The following NEK11 variants were observed in gnomAD, a reference collection of about 807,000 sequenced individuals.
NEK11 encodes the protein NIMA related kinase 11.
Under a neutral mutation model 80.7 loss-of-function variants are expected in NEK11, and 72 were observed. The observed-to-expected ratio is 0.89, with a 90% CI of 0.74 to 1.08. NEK11 has a LOEUF of 1.08. NEK11 is among the 50% of genes least tolerant of loss of function. NEK11 has a pLI of 0.00. For missense variants in NEK11, 764 were observed against 763.6 expected (o/e 1.00, Z -0.01); for synonymous variants, 251 against 260.7 (o/e 0.96, Z 0.36).
At chr3:131,185,903 A>T (rs2150222508) in intron 14 of NEK11, among the ~76,000 whole-genome samples, 1 of 152,274 alleles carries the variant, frequency 6.6e-6, no homozygotes, top group South Asian at 2.1e-4. Context: ...TACTTATGGC[A>T]TTTACCAACT....
chr3:131,251,293 A>G (rs1016322883), intron 16 of NEK11, among the ~76,000 whole-genome samples: 9 of 151,996 alleles, frequency 5.9e-5, no homozygotes, highest in African/African-American at 1.9e-4. Flanking sequence ...TGTTTTTAAC[A>G]TTAAAAGCTT....
rs115163911 is a variant in NEK11 at position 131,169,394 on chromosome 3, A to T, written c.1284+457A>T. Among the ~76,000 whole-genome samples the T allele has an allele frequency of 9.5e-3, 1,444 of 152,268 alleles. 19 individuals are homozygous for T. The highest frequency in any genetic ancestry group is 0.031 in the African/African-American group (1,290 of 41,546). On this transcript the variant is annotated intron_variant, in intron 13 of 17. Transcript: ENST00000383366. Reference sequence around the variant, plus strand: ...GCCTCTCAAACATGTTATAAAAATTATTTGAGGCATGTAGAGAGAGTGGCT... The same window carrying T: ...GCCTCTCAAACATGTTATAAAAATTTTTTGAGGCATGTAGAGAGAGTGGCT...
chr3:131,039,815 G>C (rs2066193640), intron 3 of NEK11, among the ~76,000 whole-genome samples: 1 of 152,148 alleles, frequency 6.6e-6, no homozygotes, highest in African/African-American at 2.4e-5. Context: ...GGGGAAAAAA[G>C]CTTAGTTGCC....
intron 17 of NEK11, among the ~76,000 whole-genome samples, chr3:131,334,297 C>A (rs1397985742): frequency 6.6e-6 from 1 of 152,140 alleles, no homozygotes; most frequent in Admixed American, 6.5e-5. Flanking sequence ...CAAACTAGAT[C>A]TCAGCATTAA....
intron 7 of NEK11, among the ~76,000 whole-genome samples, chr3:131,147,034 A>C (rs1179863884): frequency 1.3e-5 from 2 of 152,064 alleles, no homozygotes; most frequent in African/African-American, 4.8e-5. Context: ...TTGTAATTTT[A>C]ATGAAGTTCA....
intron 13 of NEK11, among the ~76,000 whole-genome samples, chr3:131,170,349 T>G (rs1481444269): frequency 6.6e-6 from 1 of 152,226 alleles, no homozygotes; most frequent in East Asian, 1.9e-4. Context: ...GCTTTAAAGC[T>G]AGAGGGGAAC....
chr3:131,044,892 T>A (rs1435784729), intron 3 of NEK11, among the ~76,000 whole-genome samples: 1 of 152,084 alleles, frequency 6.6e-6, no homozygotes, highest in East Asian at 1.9e-4. Context: ...CCTCAGCAAA[T>A]GCAAAAGATC....
At chr3:131,100,332 C>T (rs1168782953) in intron 4 of NEK11, among the ~76,000 whole-genome samples, 1 of 152,168 alleles carries the variant, frequency 6.6e-6, no homozygotes, top group African/African-American at 2.4e-5. Flanking sequence ...CATGATGGCT[C>T]ATGCCTGTAA....
chr3:131,087,398 C>T (rs2076137149), intron 4 of NEK11, among the ~76,000 whole-genome samples: 1 of 152,010 alleles, frequency 6.6e-6, no homozygotes, highest in Non-Finnish European at 1.5e-5. Flanking sequence ...CGCGTGCCAC[C>T]ACGCCCAGCT....
At chr3:131,107,323 T>A (rs2079344138) in intron 4 of NEK11, among the ~76,000 whole-genome samples, 1 of 151,948 alleles carries the variant, frequency 6.6e-6, no homozygotes, top group Non-Finnish European at 1.5e-5. Flanking sequence ...TGGGTTGACA[T>A]ACGTCGTGCA....
intron 17 of NEK11, among the ~76,000 whole-genome samples, chr3:131,337,879 C>T (rs913148143): frequency 5.9e-5 from 9 of 152,092 alleles, no homozygotes; most frequent in African/African-American, 1.4e-4. Context: ...GGAGTTATAT[C>T]GCATACCTCA....
chr3:131,097,564 C>T (rs1282049689), intron 4 of NEK11, among the ~76,000 whole-genome samples: 3 of 152,072 alleles, frequency 2.0e-5, no homozygotes, highest in Non-Finnish European at 4.4e-5. Context: ...TATCCTTTGC[C>T]CACTTTTTGA....
intron 14 of NEK11, among the ~76,000 whole-genome samples, chr3:131,202,755 A>G (rs980086597): frequency 1.3e-5 from 2 of 152,224 alleles, no homozygotes; most frequent in African/African-American, 4.8e-5. Context: ...AGCCCCCTCA[A>G]AAAGTGAGCA....
chr3:131,235,600 C>T (rs1221828853), intron 15 of NEK11, among the ~76,000 whole-genome samples: 1 of 152,084 alleles, frequency 6.6e-6, no homozygotes, highest in African/African-American at 2.4e-5. Flanking sequence ...TCTGAAGGCA[C>T]AGGGGTCTAT....
At chr3:131,137,889 G>A (rs1198861972) in intron 7 of NEK11, among the ~76,000 whole-genome samples, 1 of 152,170 alleles carries the variant, frequency 6.6e-6, no homozygotes, top group African/African-American at 2.4e-5. Flanking sequence ...TGGGTACACA[G>A]TAGATGTATA....
intron 16 of NEK11, among the ~76,000 whole-genome samples, chr3:131,265,860 G>A (rs2096044585): frequency 6.6e-6 from 1 of 152,002 alleles, no homozygotes; most frequent in Non-Finnish European, 1.5e-5. Flanking sequence ...TTTTTTGGTT[G>A]GTAGGCTGTT....
At chr3:131,193,077 TAAA>T (rs1278312709) in intron 14 of NEK11, among the ~76,000 whole-genome samples, 1 of 152,200 alleles carries the variant, frequency 6.6e-6, no homozygotes, top group Non-Finnish European at 1.5e-5. Context: ...AATAGTCACT[TAAA>T]AATAACAGTA....
intron 4 of NEK11, among the ~76,000 whole-genome samples, chr3:131,099,918 A>G (rs2078108078): frequency 6.6e-6 from 1 of 152,136 alleles, no homozygotes; most frequent in African/African-American, 2.4e-5. Flanking sequence ...CAGCAAAGAG[A>G]GATAGCTGAC....
chr3:131,128,819 G>A (rs2083838163), intron 5 of NEK11, among the ~76,000 whole-genome samples: 1 of 152,156 alleles, frequency 6.6e-6, no homozygotes, highest in African/African-American at 2.4e-5. Context: ...TGAGCATTTG[G>A]TGTTGTCAGT....
Sources: gnomAD v4.1 joint callset for allele counts (sites outside exome capture counted in the v4.1 genomes callset) on GRCh38, gnomAD v4.1.1 for gene constraint, MANE v1.5 for transcripts, NCBI Gene and HGNC (gene_info 2026-07-23, HGNC 2026-07-21) for gene names.